Variants in NFATC3 observed in about 807,000 individuals in gnomAD.
The protein encoded by NFATC3 is nuclear factor of activated T-cells, cytoplasmic 3.
Under a neutral mutation model 98.6 loss-of-function variants are expected in NFATC3, and 46 were observed. The ratio of observed to expected loss-of-function variants is 0.47; its 90% confidence interval spans 0.37 to 0.60. The LOEUF is 0.60. NFATC3 is among the 20% of genes least tolerant of loss of function. The pLI is 0.00. For missense variants in NFATC3, 1,256 were observed against 1,295.5 expected (o/e 0.97, Z 0.47); for synonymous variants, 512 against 472.2 (o/e 1.08, Z -1.09).
intron 1 of NFATC3, chr16:68,086,648 C>CA (rs1183745977): frequency 1.0e-6 from 1 of 985,192 alleles, no homozygotes; most frequent in African/African-American, 1.7e-5. Flanking sequence ...ATACGAACTT[C>CA]AAAAAGGAAA....
chr16:68,207,225 G>A (rs942167906), intron 9 of NFATC3, among the ~76,000 whole-genome samples: 4 of 151,376 alleles, frequency 2.6e-5, no homozygotes, highest in Admixed American at 2.0e-4. Flanking sequence ...CAGGAGAATC[G>A]CTTGAGCCTG....
At chr16:68,090,861 A>G (rs1474276346) in intron 1 of NFATC3, among the ~76,000 whole-genome samples, 1 of 152,202 alleles carries the variant, frequency 6.6e-6, no homozygotes, top group Non-Finnish European at 1.5e-5. Flanking sequence ...AGTTGAATGT[A>G]GTGAGAATAT....
intron 1 of NFATC3, among the ~76,000 whole-genome samples, chr16:68,093,786 C>T (rs1248508351): frequency 2.0e-5 from 3 of 152,126 alleles, no homozygotes; most frequent in Non-Finnish European, 4.4e-5. Context: ...GGTTTTCTGA[C>T]CTCAAATTTT....
rs568588083 is a variant in NFATC3 at position 68,210,311 on chromosome 16, GA to G, written c.3107-16028del. Among the ~76,000 whole-genome samples, 1,039 of 131,154 alleles carry G rather than the reference GA, an allele frequency of 7.9e-3. 5 individuals carry two copies. The highest frequency in any genetic ancestry group is 0.013 in the Non-Finnish European group (780 of 61,922). The allele number at this position is 131,154 out of a possible 152,430, so 86.0% of individuals were successfully genotyped here. A position where few individuals can be genotyped will look rare whatever the true frequency, so the allele number is the denominator to read the frequency against. On this transcript the variant is annotated intron_variant, in intron 9 of 9. Coordinates refer to ENST00000346183, the MANE Select transcript of NFATC3 (RefSeq NM_173165.3). Reference sequence around the variant, plus strand: ...AGATTCCTTCTCAAAAAAAAAAAAAGAAAAAAAAAAAGAATACAAAAAATTA... The same window carrying G: ...AGATTCCTTCTCAAAAAAAAAAAAAGAAAAAAAAAAGAATACAAAAAATTA...
chr16:68,097,201 G>T (rs1049993274), intron 1 of NFATC3, among the ~76,000 whole-genome samples: 1 of 152,182 alleles, frequency 6.6e-6, no homozygotes, highest in Admixed American at 6.5e-5. Flanking sequence ...AGGGAGAAAG[G>T]TGATTCATTT....
rs141928987 is a variant in NFATC3, at chr16:68,105,288, A to G, written c.104-16699A>G. Reference sequence around the variant, plus strand: ...GTATTTTTAGTAGAGACAGGGTTTCACAATGTTTGCCAGGCTGGTCTCGAA... The same window carrying G: ...GTATTTTTAGTAGAGACAGGGTTTCGCAATGTTTGCCAGGCTGGTCTCGAA... On this transcript the variant is annotated intron_variant, in intron 1 of 9. Transcript: ENST00000346183. Among the ~76,000 whole-genome samples the G allele has an allele frequency of 6.9e-3, 1,051 of 151,894 alleles. 17 individuals are homozygous for G. Among genetic ancestry groups the G allele is most frequent in the African/African-American group, 0.024 (978 of 41,442 alleles).
intron 1 of NFATC3, among the ~76,000 whole-genome samples, chr16:68,104,934 G>A (rs563333511): frequency 7.3e-4 from 111 of 152,168 alleles, no homozygotes; most frequent in African/African-American, 2.6e-3. Flanking sequence ...GATTACAGGC[G>A]TGAGCCACCG....
At chr16:68,163,548 C>T (rs1567528170) in intron 4 of NFATC3, among the ~76,000 whole-genome samples, 1 of 151,080 alleles carries the variant, frequency 6.6e-6, no homozygotes, top group Non-Finnish European at 1.5e-5. Flanking sequence ...GGGGCTGACC[C>T]CCACCTCCCT....
rs374659461 is a variant in NFATC3 at position 68,203,013 on chromosome 16, A to G, written c.3106+11238A>G. Among the ~76,000 whole-genome samples, 5 of 152,264 alleles carry G rather than the reference A, an allele frequency of 3.3e-5. No homozygotes were observed. In the East Asian group the frequency reaches 5.8e-4, roughly 18 times the overall value. On this transcript the variant is annotated intron_variant, in intron 9 of 9. Coordinates refer to ENST00000346183, the MANE Select transcript of NFATC3 (RefSeq NM_173165.3). ...ATCCTCTTTTGGGAAGCATACATGTACTATACAGCCTCAAACGTGTTTAGG... is the reference window on the plus strand; with the variant it reads ...ATCCTCTTTTGGGAAGCATACATGTGCTATACAGCCTCAAACGTGTTTAGG...
At chr16:68,129,755 G>T in intron 3 of NFATC3, among the ~76,000 whole-genome samples, 1 of 146,188 alleles carries the variant, frequency 6.8e-6, no homozygotes, top group East Asian at 2.0e-4. Flanking sequence ...ATACCTAACT[G>T]CAGTCTCAAA....
intron 9 of NFATC3, among the ~76,000 whole-genome samples, chr16:68,199,513 C>T (rs28710119): frequency 0.05 from 6,912 of 138,642 alleles, 506 homozygotes; most frequent in African/African-American, 0.17. Flanking sequence ...CGTGAGCCAC[C>T]GCGCCCGGCC....
intron 1 of NFATC3, among the ~76,000 whole-genome samples, chr16:68,093,571 A>G (rs1175065738): frequency 6.6e-6 from 1 of 152,156 alleles, no homozygotes; most frequent in Non-Finnish European, 1.5e-5. Context: ...TATAATTTTG[A>G]TCATTTTGTA....
intron 1 of NFATC3, among the ~76,000 whole-genome samples, chr16:68,099,688 T>TC: frequency 6.6e-6 from 1 of 151,934 alleles, no homozygotes; most frequent in Admixed American, 6.6e-5. Context: ...TCCTTTTCCC[T>TC]CCCTCTTCCC....
intron 9 of NFATC3, among the ~76,000 whole-genome samples, chr16:68,206,645 A>AT (rs1222650583): frequency 6.6e-6 from 1 of 152,152 alleles, no homozygotes; most frequent in Non-Finnish European, 1.5e-5. Context: ...ATAATATTCA[A>AT]TTTTTTGTGT....
intron 8 of NFATC3, among the ~76,000 whole-genome samples, chr16:68,186,520 A>G (rs772227941): frequency 7.2e-5 from 11 of 152,238 alleles, no homozygotes; most frequent in Non-Finnish European, 1.6e-4. Flanking sequence ...AGCCTGGGTG[A>G]CAGAACAAGA....
chr16:68,218,925 A>G (rs112298502), intron 9 of NFATC3, among the ~76,000 whole-genome samples: 12 of 151,664 alleles, frequency 7.9e-5, no homozygotes, highest in African/African-American at 2.2e-4. Context: ...TTTAAAATAC[A>G]TTTAGTCTTT....
At chr16:68,170,895 G>C (rs2039428094) in intron 5 of NFATC3, among the ~76,000 whole-genome samples, 1 of 151,992 alleles carries the variant, frequency 6.6e-6, no homozygotes, top group South Asian at 2.1e-4. Context: ...TCGTTTTGCA[G>C]TTTTCACTTA....
intron 9 of NFATC3, chr16:68,192,251 A>ATATG (rs2040463513): frequency 1.8e-5 from 2 of 109,128 alleles, no homozygotes; most frequent in Non-Finnish European, 3.8e-5. Context: ...ATATATATAT[A>ATATG]TATGTATGTG....
intron 4 of NFATC3, 93 bp downstream of exon 4, chr16:68,158,161 T>C: frequency 1.3e-6 from 1 of 763,816 alleles, no homozygotes. Context: ...ATATAAAATA[T>C]TGTTCTAAAT....
Sources: allele counts gnomAD v4.1 joint callset (sites outside exome capture counted in the v4.1 genomes callset), GRCh38; gene constraint gnomAD v4.1.1; transcripts MANE v1.5; gene names NCBI Gene and HGNC (gene_info 2026-07-23, HGNC 2026-07-21).